The following REEP1 variants were observed in gnomAD, a reference collection of about 807,000 sequenced individuals.
REEP1 encodes receptor expression-enhancing protein 1.
A neutral mutation model predicts 40.3 loss-of-function variants in REEP1; 22 were observed. The ratio of observed to expected loss-of-function variants is 0.55; its 90% CI spans 0.39 to 0.78. The LOEUF is 0.78. REEP1 is among the 30% of genes least tolerant of loss of function. The pLI, the probability that REEP1 is intolerant of heterozygous loss-of-function variation, is 0.00. For synonymous variants in REEP1, 116 were observed against 139.2 expected (o/e 0.83, Z 1.17); for missense variants, 280 against 361.1 (o/e 0.78, Z 1.82).
At chr2:86,273,978 T>G (rs1401659586) in intron 2 of REEP1, among the ~76,000 whole-genome samples, 1 of 152,240 alleles carries the variant, frequency 6.6e-6, no homozygotes, top group Admixed American at 6.5e-5. Context: ...ATGTTTCAAA[T>G]GACCGGATTA....
intron 1 of REEP1, among the ~76,000 whole-genome samples, chr2:86,317,881 T>C (rs1235747929): frequency 1.3e-5 from 2 of 152,224 alleles, no homozygotes; most frequent in African/African-American, 4.8e-5. Flanking sequence ...CTTTTTTTCA[T>C]GGAACACCAG....
chr2:86,296,822 A>T (rs1462015979), intron 1 of REEP1, among the ~76,000 whole-genome samples: 1 of 152,154 alleles, frequency 6.6e-6, no homozygotes, highest in Non-Finnish European at 1.5e-5. Context: ...ACGCCACTGC[A>T]CTCCAGCCTG....
intron 2 of REEP1, among the ~76,000 whole-genome samples, chr2:86,267,953 T>TA (rs563171875): frequency 0.071 from 10,314 of 144,842 alleles, 532 homozygotes; most frequent in African/African-American, 0.14. Flanking sequence ...ATTTGTGACT[T>TA]AAAAAAAAAA....
chr2:86,285,712 G>A (rs1678350214), intron 1 of REEP1, among the ~76,000 whole-genome samples: 3 of 152,194 alleles, frequency 2.0e-5, no homozygotes. Flanking sequence ...TGGGCAATCA[G>A]GAGGGTCCCT....
At chr2:86,307,633 T>C (rs1298130647) in intron 1 of REEP1, among the ~76,000 whole-genome samples, 1 of 151,898 alleles carries the variant, frequency 6.6e-6, no homozygotes, top group African/African-American at 2.4e-5. Context: ...TGGTGGCACA[T>C]GTCTGTAGTC....
chr2:86,256,966 C>G (rs1048399716), intron 3 of REEP1, among the ~76,000 whole-genome samples: 3 of 152,182 alleles, frequency 2.0e-5, no homozygotes, highest in Admixed American at 2.0e-4. Flanking sequence ...CAGTCAGTAG[C>G]CTTACCCACG....
intron 3 of REEP1, chr2:86,255,155 G>T: frequency 4.0e-6 from 1 of 252,236 alleles, no homozygotes; most frequent in Non-Finnish European, 7.8e-6. Context: ...TAGGGTTCTG[G>T]CCACAGCCTA....
chr2:86,261,116 C>T (rs890780280), intron 3 of REEP1, among the ~76,000 whole-genome samples: 1 of 152,164 alleles, frequency 6.6e-6, no homozygotes, highest in African/African-American at 2.4e-5. Flanking sequence ...GGCTGAAATG[C>T]TGATATCCCC....
chr2:86,259,938 T>TC (rs1676768387), intron 3 of REEP1, among the ~76,000 whole-genome samples: 1 of 152,102 alleles, frequency 6.6e-6, no homozygotes, highest in South Asian at 2.1e-4. Flanking sequence ...GAACAAAAGT[T>TC]AAAGGTGCTT....
chr2:86,242,589 G>A (rs987086636), intron 5 of REEP1, among the ~76,000 whole-genome samples: 8 of 152,148 alleles, frequency 5.3e-5, no homozygotes, highest in African/African-American at 1.9e-4. Context: ...ACCAACATGA[G>A]CAAAGGCAGA....
At chr2:86,268,090 A>G (rs1205275998) in intron 2 of REEP1, among the ~76,000 whole-genome samples, 1 of 152,216 alleles carries the variant, frequency 6.6e-6, no homozygotes, top group Non-Finnish European at 1.5e-5. Context: ...TAAGATCAGA[A>G]AAAGGGCAAA....
At chr2:86,336,628 A>G (rs1405458441) in intron 1 of REEP1, 2 of 152,372 alleles carry the variant, frequency 1.3e-5, no homozygotes, top group Non-Finnish European at 2.9e-5. Context: ...GAATAAATCC[A>G]CCGGGGAAGC....
intron 5 of REEP1, among the ~76,000 whole-genome samples, chr2:86,249,530 G>A (rs1419352372): frequency 6.6e-6 from 1 of 152,072 alleles, no homozygotes; most frequent in African/African-American, 2.4e-5. Flanking sequence ...AGAGCTGGCT[G>A]TTTAAAAATC....
At chr2:86,287,368 A>G (rs1454765818) in intron 1 of REEP1, among the ~76,000 whole-genome samples, 2 of 152,182 alleles carry the variant, frequency 1.3e-5, no homozygotes, top group Non-Finnish European at 2.9e-5. Context: ...AATTAAAGAC[A>G]TGAGCCACTG....
intron 1 of REEP1, among the ~76,000 whole-genome samples, chr2:86,320,553 A>T (rs1680232497): frequency 6.6e-6 from 1 of 152,248 alleles, no homozygotes; most frequent in Non-Finnish European, 1.5e-5. Context: ...AATAGTTTAG[A>T]TGCTAGAATT....
At chr2:86,254,662 G>T in intron 4 of REEP1, 32 bp downstream of exon 4, 1 of 1,605,660 alleles carries the variant, frequency 6.2e-7, no homozygotes, top group Non-Finnish European at 8.5e-7. Context: ...TCACTTGCTA[G>T]AAAGAATGAA....
chr2:86,227,696 C>A (rs1162119326), intron 6 of REEP1, among the ~76,000 whole-genome samples: 2 of 152,232 alleles, frequency 1.3e-5, no homozygotes, highest in Non-Finnish European at 2.9e-5. Flanking sequence ...ACTCCAAGCA[C>A]CCCTGCCCAA....
Position 86,298,803 on chromosome 2 carries a change from G to A in REEP1, c.33-16561C>T, listed in dbSNP as rs76583175. Among the ~76,000 whole-genome samples, 643 of 152,344 alleles carry A rather than the reference G, an allele frequency of 4.2e-3. 6 individuals carry two copies. Among genetic ancestry groups the A allele is most frequent in the African/African-American group, 0.014 (595 of 41,576 alleles). On this transcript the variant is annotated intron_variant, in intron 1 of 8. Transcript: ENST00000538924. ...TGGAAATTGCAGCAGGAAGGAGAATGGTCAAAAGGGGATCGCTTTTTGCTG... is the reference window on the plus strand; with the variant it reads ...TGGAAATTGCAGCAGGAAGGAGAATAGTCAAAAGGGGATCGCTTTTTGCTG...
intron 2 of REEP1, among the ~76,000 whole-genome samples, chr2:86,274,165 G>A (rs1236211098): frequency 1.3e-5 from 2 of 152,204 alleles, no homozygotes; most frequent in Non-Finnish European, 2.9e-5. Flanking sequence ...ATAAACATAG[G>A]AAGAAAGGCA....
Sources: gnomAD v4.1 joint callset for allele counts (sites outside exome capture counted in the v4.1 genomes callset) on GRCh38, gnomAD v4.1.1 for gene constraint, MANE v1.5 for transcripts, NCBI Gene and HGNC (gene_info 2026-07-23, HGNC 2026-07-21) for gene names.